SYT9: variants seen among roughly 807,000 people sequenced by gnomAD.
SYT9 encodes synaptotagmin-9.
A neutral mutation model predicts 48.4 loss-of-function variants in SYT9; 22 were observed. That is an observed-to-expected ratio of 0.45 (90% confidence interval 0.32 to 0.65). The LOEUF is 0.65. SYT9 is among the 30% of genes least tolerant of loss of function. The pLI is 0.03. For synonymous variants in SYT9, 265 were observed against 245.0 expected (o/e 1.08, Z -0.76); for missense variants, 577 against 622.0 (o/e 0.93, Z 0.77).
chr11:7,372,129 T>C (rs1353401625), intron 3 of SYT9, among the ~76,000 whole-genome samples: 2 of 152,184 alleles, frequency 1.3e-5, no homozygotes, highest in African/African-American at 4.8e-5. Flanking sequence ...CCAGCAGTGA[T>C]GTGAGTTCCA....
intron 3 of SYT9, among the ~76,000 whole-genome samples, chr11:7,344,675 A>G (rs186297801): frequency 2.6e-5 from 4 of 152,280 alleles, no homozygotes; most frequent in African/African-American, 9.6e-5. Context: ...TCTATATTTT[A>G]TCCACACAAT....
chr11:7,402,410 TTAC>T lies in SYT9; in HGVS notation c.1045-13626_1045-13624del, dbSNP rs199608430. The stretch of plus-strand genomic sequence containing the variant: ...CTTCTCTTTTCGTATGTTCAGTCAA[TTAC>T]TACTAATAGAGCAGTGTTTAAATCT... On this transcript the variant is annotated intron_variant, in intron 3 of 6. Coordinates refer to ENST00000318881, the MANE Select transcript of SYT9 (RefSeq NM_175733.4). 2.0e-4 allele frequency among the ~76,000 whole-genome samples: 30 copies of T among 152,280 alleles called. 1 individual carries two copies. The highest frequency in any genetic ancestry group is 1.7e-3 in the East Asian group (9 of 5,186).
At chr11:7,292,754 G>A (rs911734289) in intron 1 of SYT9, among the ~76,000 whole-genome samples, 1 of 152,202 alleles carries the variant, frequency 6.6e-6, no homozygotes, top group Non-Finnish European at 1.5e-5. Flanking sequence ...CATTTACACT[G>A]CACAGGCCAG....
chr11:7,251,512 T>C (rs1220089069), upstream of SYT9, among the ~76,000 whole-genome samples: 2 of 152,156 alleles, frequency 1.3e-5, no homozygotes, highest in Admixed American at 6.5e-5. Flanking sequence ...CATAGGCCCA[T>C]GGTTCAAACC....
chr11:7,375,537 C>T (rs537609959), intron 3 of SYT9, among the ~76,000 whole-genome samples: 40 of 152,272 alleles, frequency 2.6e-4, no homozygotes, highest in African/African-American at 9.4e-4. Context: ...ATTGATTCTT[C>T]ATATCCATGA....
intron 1 of SYT9, among the ~76,000 whole-genome samples, chr11:7,284,810 C>A (rs1244768553): frequency 6.6e-6 from 1 of 152,116 alleles, no homozygotes; most frequent in Admixed American, 6.6e-5. Context: ...CTAGGTTAGT[C>A]TTCTATGTTT....
At chr11:7,459,421 G>A (rs1032251887) in intron 6 of SYT9, among the ~76,000 whole-genome samples, 1 of 152,158 alleles carries the variant, frequency 6.6e-6, no homozygotes, top group Non-Finnish European at 1.5e-5. Flanking sequence ...AGACTGAGAA[G>A]GAGCAAGTCA....
At position 7,313,266 on chromosome 11, in the gene SYT9, C is replaced by G. The variant is rs540703088; in HGVS notation, c.498-129C>G. 2.0e-4 allele frequency: 185 copies of G among 939,318 alleles called. No homozygotes were observed. The African/African-American group carries it at 2.8e-3, about 14-fold the overall frequency. 58.2% of individuals were successfully genotyped at this position (939,318 alleles called of 1,614,324 possible). A position where few individuals can be genotyped will look rare whatever the true frequency, so the allele number is the denominator to read the frequency against. On this transcript the variant is annotated intron_variant, in intron 2 of 6. Transcript: ENST00000318881. Reference sequence around the variant, plus strand: ...GCATTTTGAATTTAGGCCACACACACACAAAAAAGGCCCACAGATCTAAGC... The same window carrying G: ...GCATTTTGAATTTAGGCCACACACAGACAAAAAAGGCCCACAGATCTAAGC...
chr11:7,343,998 A>C (rs907634248), intron 3 of SYT9, among the ~76,000 whole-genome samples: 1 of 152,160 alleles, frequency 6.6e-6, no homozygotes, highest in East Asian at 1.9e-4. Flanking sequence ...TCATGATTCA[A>C]TTATCTCCCA....
chr11:7,411,055 A>C (rs1306634021), intron 3 of SYT9, among the ~76,000 whole-genome samples: 1 of 152,106 alleles, frequency 6.6e-6, no homozygotes, highest in Non-Finnish European at 1.5e-5. Context: ...GGGTTTCACC[A>C]TGTTGGCCAG....
intron 2 of SYT9, among the ~76,000 whole-genome samples, chr11:7,308,562 T>G (rs1174590626): frequency 6.6e-6 from 1 of 152,214 alleles, no homozygotes; most frequent in Non-Finnish European, 1.5e-5. Context: ...CAAATGGATT[T>G]AATGTCCTTA....
At chr11:7,367,755 T>A (rs1348579999) in intron 3 of SYT9, among the ~76,000 whole-genome samples, 1 of 145,716 alleles carries the variant, frequency 6.9e-6, no homozygotes, top group African/African-American at 2.5e-5. Context: ...TACAAAATGT[T>A]TTTCCACTGG....
intron 2 of SYT9, among the ~76,000 whole-genome samples, chr11:7,310,444 A>ATT (rs34469345): frequency 0.23 from 26,778 of 114,838 alleles, 3,439 homozygotes; most frequent in Non-Finnish European, 0.26. Context: ...CATAACTGTG[A>ATT]TTTTTTTTTT....
Position 7,343,805 on chromosome 11 carries a change from A to G in SYT9, c.1044+29864A>G, listed in dbSNP as rs1248539239. ...TAATTCATAAAGAAAAAGAGGTTTA[A>G]TGGACTCACAGTTCCACATGGCTGG... On this transcript the variant is annotated intron_variant, in intron 3 of 6. Coordinates refer to ENST00000318881, the MANE Select transcript of SYT9 (RefSeq NM_175733.4). 2.0e-5 allele frequency among the ~76,000 whole-genome samples: 3 copies of G among 152,212 alleles called. No homozygotes were observed. The East Asian group carries it at 5.8e-4, about 29-fold the overall frequency.
chr11:7,452,409 C>G (rs965248824), intron 6 of SYT9, among the ~76,000 whole-genome samples: 1 of 152,128 alleles, frequency 6.6e-6, no homozygotes, highest in Non-Finnish European at 1.5e-5. Context: ...GGTGTAGGTA[C>G]GTAAGTTGGG....
intron 3 of SYT9, among the ~76,000 whole-genome samples, chr11:7,386,604 G>A (rs1205801756): frequency 1.3e-5 from 2 of 152,160 alleles, no homozygotes; most frequent in Non-Finnish European, 2.9e-5. Flanking sequence ...TGAGATACCA[G>A]CTCACACCAG....
In SYT9 at chr11:7,416,547, A is replaced by G. The variant is rs550011876; in HGVS notation, c.1165+385A>G. On this transcript the variant is annotated intron_variant, in intron 4 of 6. Coordinates refer to ENST00000318881, the MANE Select transcript of SYT9 (RefSeq NM_175733.4). Reference sequence around the variant, plus strand: ...ACGATGGATTAAAAATACTCAGGAAAAAAGTAATACAACAATAAAAATAAT... The same window carrying G: ...ACGATGGATTAAAAATACTCAGGAAGAAAGTAATACAACAATAAAAATAAT... Among the ~76,000 whole-genome samples the G allele has an allele frequency of 1.8e-4, 27 of 152,372 alleles. No individual in the cohort carries two copies. The South Asian group carries it at 5.6e-3, about 32-fold the overall frequency.
chr11:7,415,272 G>C (rs1847220151), intron 3 of SYT9, among the ~76,000 whole-genome samples: 1 of 152,188 alleles, frequency 6.6e-6, no homozygotes, highest in African/African-American at 2.4e-5. Context: ...GGCTCTGAAT[G>C]TGTGGGCTCG....
intron 1 of SYT9, among the ~76,000 whole-genome samples, chr11:7,281,046 T>G (rs562207658): frequency 1.3e-4 from 20 of 152,382 alleles, no homozygotes; most frequent in African/African-American, 4.6e-4. Context: ...TATGAGCTTC[T>G]GTGAGCTGAG....
Sources: gnomAD v4.1 joint callset for allele counts (sites outside exome capture counted in the v4.1 genomes callset) on GRCh38, gnomAD v4.1.1 for gene constraint, MANE v1.5 for transcripts, NCBI Gene and HGNC (gene_info 2026-07-23, HGNC 2026-07-21) for gene names.